ESRRG: variants seen among roughly 807,000 people sequenced by gnomAD.
The protein encoded by ESRRG is estrogen related receptor gamma.
ESRRG carries 13 observed loss-of-function variants against 44.0 expected under a neutral mutation model. The observed-to-expected ratio is 0.30, with a 90% confidence interval of 0.19 to 0.47. ESRRG has a LOEUF of 0.47. Among genes scored for constraint, ESRRG ranks in the 20% least tolerant of loss-of-function variants. ESRRG has a pLI of 1.00. For missense variants in ESRRG, 395 were observed against 580.6 expected (o/e 0.68, Z 3.29); for synonymous variants, 215 against 214.6 (o/e 1.00, Z -0.02).
intron 2 of ESRRG, among the ~76,000 whole-genome samples, chr1:216,898,462 A>G (rs904141369): frequency 6.6e-6 from 1 of 152,080 alleles, no homozygotes; most frequent in Non-Finnish European, 1.5e-5. Context: ...TACTAAAAAT[A>G]CAAAAATTAG....
intron 5 of ESRRG, among the ~76,000 whole-genome samples, chr1:216,536,205 G>T (rs544667575): frequency 9.2e-5 from 14 of 152,020 alleles, no homozygotes; most frequent in Non-Finnish European, 8.8e-5. Context: ...ATCTATGGAT[G>T]TAACAAAACT....
chr1:216,946,230 C>T (rs993990734), intron 1 of ESRRG, among the ~76,000 whole-genome samples: 3 of 152,120 alleles, frequency 2.0e-5, no homozygotes, highest in Non-Finnish European at 4.4e-5. Flanking sequence ...TGTAGAGAGA[C>T]CACAGTCTTC....
At chr1:216,794,003 A>G (rs2094404194) in intron 2 of ESRRG, among the ~76,000 whole-genome samples, 1 of 149,972 alleles carries the variant, frequency 6.7e-6, no homozygotes, top group African/African-American at 2.5e-5. Flanking sequence ...CCCAGAGTAT[A>G]TAGAAGAGAA....
chr1:216,535,795 G>C (rs538124778), intron 5 of ESRRG, among the ~76,000 whole-genome samples: 4 of 152,026 alleles, frequency 2.6e-5, no homozygotes, highest in African/African-American at 9.6e-5. Context: ...CTAGCTCTCT[G>C]TCTCTGTCTG....
intron 1 of ESRRG, among the ~76,000 whole-genome samples, chr1:217,098,398 T>C (rs1453174771): frequency 6.6e-6 from 1 of 152,198 alleles, no homozygotes; most frequent in African/African-American, 2.4e-5. Context: ...TAGCTGGCAT[T>C]ATTATTATGC....
At chr1:217,036,404 A>T (rs771557718) in intron 1 of ESRRG, among the ~76,000 whole-genome samples, 4 of 152,226 alleles carry the variant, frequency 2.6e-5, no homozygotes, top group Non-Finnish European at 4.4e-5. Context: ...AAAGACATGG[A>T]ATCAACCTAA....
chr1:216,811,080 G>T (rs1347478577), intron 2 of ESRRG, among the ~76,000 whole-genome samples: 2 of 152,006 alleles, frequency 1.3e-5, no homozygotes, highest in East Asian at 3.9e-4. Context: ...TAAAATACTG[G>T]ATTACTGGAT....
intron 2 of ESRRG, among the ~76,000 whole-genome samples, chr1:216,861,673 AC>A (rs2096057182): frequency 6.6e-6 from 1 of 152,158 alleles, no homozygotes; most frequent in Admixed American, 6.5e-5. Flanking sequence ...GAAAAGCATA[AC>A]CCATTAAATA....
chr1:216,632,264 G>A (rs1265022280), intron 3 of ESRRG, among the ~76,000 whole-genome samples: 3 of 152,086 alleles, frequency 2.0e-5, no homozygotes, highest in African/African-American at 7.2e-5. Flanking sequence ...CATTTTCAAA[G>A]CAATATTTTC....
intron 2 of ESRRG, among the ~76,000 whole-genome samples, chr1:216,762,019 T>C (rs1429608866): frequency 5.3e-5 from 8 of 152,166 alleles, no homozygotes; most frequent in East Asian, 1.9e-4. Flanking sequence ...TTTAGACCCA[T>C]TGCTTTATTA....
At chr1:216,512,265 G>A (rs1179696912) in intron 6 of ESRRG, among the ~76,000 whole-genome samples, 1 of 152,124 alleles carries the variant, frequency 6.6e-6, no homozygotes, top group African/African-American at 2.4e-5. Context: ...TTAAGTCTCG[G>A]GATCCAGTAG....
chr1:216,720,095 G>C (rs1045967811), intron 1 of ESRRG, among the ~76,000 whole-genome samples: 1 of 151,874 alleles, frequency 6.6e-6, no homozygotes, highest in African/African-American at 2.4e-5. Flanking sequence ...TTTTTTTGTT[G>C]TTTACTTCAA....
intron 5 of ESRRG, among the ~76,000 whole-genome samples, chr1:216,529,896 G>C (rs1361777330): frequency 6.6e-6 from 1 of 151,902 alleles, no homozygotes; most frequent in Non-Finnish European, 1.5e-5. Flanking sequence ...TGGATCACTT[G>C]AGGTCAGGAG....
intron 1 of ESRRG, among the ~76,000 whole-genome samples, chr1:217,130,892 T>C (rs1045598097): frequency 8.4e-6 from 1 of 118,422 alleles, no homozygotes; most frequent in African/African-American, 3.7e-5. Flanking sequence ...CCTTTTATTG[T>C]CTTTTTTTTA....
chr1:216,824,985 G>T (rs2095365806), intron 2 of ESRRG, among the ~76,000 whole-genome samples: 1 of 152,148 alleles, frequency 6.6e-6, no homozygotes, highest in Non-Finnish European at 1.5e-5. Context: ...ACATCAGGAG[G>T]TCTGTAGTCT....
At chr1:216,968,046 A>G (rs1404787802) in intron 1 of ESRRG, among the ~76,000 whole-genome samples, 1 of 151,798 alleles carries the variant, frequency 6.6e-6, no homozygotes, top group African/African-American at 2.4e-5. Flanking sequence ...TTCTTTTGTA[A>G]GTTTTCTGCT....
chr1:216,953,245 G>A (rs1350857292), intron 1 of ESRRG, among the ~76,000 whole-genome samples: 3 of 152,012 alleles, frequency 2.0e-5, no homozygotes, highest in African/African-American at 4.8e-5. Flanking sequence ...AAGACCATAT[G>A]ACAAAAACCA....
intron 5 of ESRRG, among the ~76,000 whole-genome samples, chr1:216,529,544 G>A (rs2048669499): frequency 6.6e-6 from 1 of 152,104 alleles, no homozygotes; most frequent in Non-Finnish European, 1.5e-5. Context: ...AGATAGGCAT[G>A]CCTCTAAAAC....
intron 1 of ESRRG, among the ~76,000 whole-genome samples, chr1:217,082,778 C>T (rs2091854763): frequency 6.6e-6 from 1 of 152,060 alleles, no homozygotes; most frequent in Non-Finnish European, 1.5e-5. Context: ...TCCATTTTTC[C>T]TCACTCCCCC....
Sources: gnomAD v4.1 joint callset for allele counts (sites outside exome capture counted in the v4.1 genomes callset) on GRCh38, gnomAD v4.1.1 for gene constraint, MANE v1.5 for transcripts, NCBI Gene and HGNC (gene_info 2026-07-23, HGNC 2026-07-21) for gene names.